Variants in DENND5B observed in about 807,000 individuals in gnomAD.
DENND5B encodes DENN domain containing 5B.
DENND5B carries 34 observed loss-of-function variants against 140.6 expected under a neutral mutation model. That is an observed-to-expected ratio of 0.24 (90% CI 0.18 to 0.32). The LOEUF (loss-of-function observed/expected upper bound fraction) is 0.32, where lower values mean the gene tolerates loss of function less well. Among genes scored for constraint, DENND5B ranks in the 10% least tolerant of loss-of-function variants. DENND5B has a pLI of 1.00. For missense variants in DENND5B, 1,142 were observed against 1,560.2 expected, an observed-to-expected ratio of 0.73 and a Z score of 4.52; for synonymous variants, 551 against 562.1, an observed-to-expected ratio of 0.98 and a Z score of 0.28.
At chr12:31,585,466 T>A (rs1256630220) in intron 1 of DENND5B, among the ~76,000 whole-genome samples, 1 of 152,230 alleles carries the variant, frequency 6.6e-6, no homozygotes, top group Non-Finnish European at 1.5e-5. Flanking sequence ...GTCTTGACTA[T>A]GACATTCAGT....
intron 2 of DENND5B, among the ~76,000 whole-genome samples, chr12:31,494,875 G>C (rs549255753): frequency 6.6e-6 from 1 of 152,242 alleles, no homozygotes; most frequent in East Asian, 1.9e-4. Context: ...TGAGCTGCTT[G>C]CTCGGGCCTG....
At chr12:31,533,726 G>A (rs1231218683) in intron 1 of DENND5B, among the ~76,000 whole-genome samples, 1 of 152,154 alleles carries the variant, frequency 6.6e-6, no homozygotes, top group Non-Finnish European at 1.5e-5. Flanking sequence ...TTCACCATTA[G>A]AATAAAGATC....
intron 3 of DENND5B, among the ~76,000 whole-genome samples, chr12:31,471,158 C>T (rs1328591160): frequency 6.6e-6 from 1 of 152,214 alleles, no homozygotes; most frequent in Non-Finnish European, 1.5e-5. Flanking sequence ...CAACTAGCCT[C>T]AAAGCCACTC....
At chr12:31,425,202 T>C (rs1943179712) in intron 9 of DENND5B, among the ~76,000 whole-genome samples, 1 of 152,164 alleles carries the variant, frequency 6.6e-6, no homozygotes, top group Non-Finnish European at 1.5e-5. Context: ...ATCCCAGTTA[T>C]TTGGGAGGCT....
chr12:31,526,974 C>T (rs1038699148), intron 1 of DENND5B, among the ~76,000 whole-genome samples: 17 of 152,198 alleles, frequency 1.1e-4, no homozygotes, highest in Non-Finnish European at 2.5e-4. Flanking sequence ...CTGCTATGAA[C>T]ATAACATTCT....
chr12:31,554,669 A>G (rs1949208913), intron 1 of DENND5B, among the ~76,000 whole-genome samples: 1 of 152,132 alleles, frequency 6.6e-6, no homozygotes, highest in Non-Finnish European at 1.5e-5. Flanking sequence ...ACTTGGTTCC[A>G]TTCTCCCCGT....
In DENND5B at chr12:31,392,343, G is replaced by A. The variant is rs1428706799; in HGVS notation, c.3390C>T (p.Ala1130=). The change falls in exon 19 of 21, where the codon GCC becomes GCT. Residue 1130 remains alanine, a synonymous_variant. Coordinates refer to ENST00000389082, the MANE Select transcript of DENND5B (RefSeq NM_144973.4). ...LLCGENGLVA[A]LEQVFHHGFK... is the part of the protein sequence containing the mutation. ...ACCCATGGTGGAAAACTTGCTCAAGGGCTGCAACCAGGCCATTTTCTCCAC... is the reference window on the plus strand; with the variant it reads ...ACCCATGGTGGAAAACTTGCTCAAGAGCTGCAACCAGGCCATTTTCTCCAC... 2 of 1,613,566 alleles carry A rather than the reference G, an allele frequency of 1.2e-6. No individual in the cohort carries two copies. Among genetic ancestry groups the A allele is most frequent in the Admixed American group, 3.3e-5 (2 of 59,958 alleles).
chr12:31,533,980 G>C (rs1384252462), intron 1 of DENND5B, among the ~76,000 whole-genome samples: 2 of 151,808 alleles, frequency 1.3e-5, no homozygotes, highest in African/African-American at 4.8e-5. Flanking sequence ...TGGTAATGTA[G>C]AGAAGACAGA....
At chr12:31,411,825 A>C (rs1942477154) in intron 13 of DENND5B, among the ~76,000 whole-genome samples, 1 of 152,164 alleles carries the variant, frequency 6.6e-6, no homozygotes, top group East Asian at 1.9e-4. Flanking sequence ...AAACTACAAA[A>C]AGCACTGGAA....
Position 31,398,249 on chromosome 12 carries a change from C to T in DENND5B, c.3182G>A (p.Arg1061Gln), listed in dbSNP as rs779727658. The T allele has an allele frequency of 1.3e-5, 21 of 1,598,094 alleles. No homozygotes were observed. The highest frequency in any genetic ancestry group is 5.2e-5 in the Admixed American group (3 of 57,680). Residue 1061 changes from arginine to glutamine, a missense_variant, in exon 17 of 21, where the codon CGG becomes CAG. Physicochemically the swap from Arg to Gln is conservative, Grantham distance 43. Transcript: ENST00000389082. ...GGGTGACTTCTGCTGGGGTGGAGTC[C>T]GACACTGCTTTACTAGATCTTCATC... ...ASDEDLVKQC[R>Q]TPPQQKSPTT... is the part of the protein sequence containing the mutation.
chr12:31,581,232 A>T (rs1028978014), intron 1 of DENND5B, among the ~76,000 whole-genome samples: 12 of 152,200 alleles, frequency 7.9e-5, no homozygotes, highest in African/African-American at 2.9e-4. Flanking sequence ...AATTATTCTA[A>T]GATCTCAATG....
intron 1 of DENND5B, among the ~76,000 whole-genome samples, chr12:31,553,363 T>C (rs1949146144): frequency 6.6e-6 from 1 of 152,182 alleles, no homozygotes; most frequent in African/African-American, 2.4e-5. Flanking sequence ...TTCCATGTAG[T>C]TGAGTGTTTT....
At chr12:31,419,472 A>G (rs1026191934) in intron 11 of DENND5B, among the ~76,000 whole-genome samples, 1 of 152,094 alleles carries the variant, frequency 6.6e-6, no homozygotes, top group Admixed American at 6.6e-5. Flanking sequence ...AATGAACACA[A>G]GTTAAACATT....
chr12:31,530,356 G>C (rs1948239286), intron 1 of DENND5B, among the ~76,000 whole-genome samples: 1 of 152,208 alleles, frequency 6.6e-6, no homozygotes, highest in East Asian at 1.9e-4. Flanking sequence ...CTGGGTGACA[G>C]AGCAAGACTC....
intron 9 of DENND5B, among the ~76,000 whole-genome samples, 183 bp downstream of exon 9, chr12:31,426,110 T>C (rs1943219951): frequency 6.6e-6 from 1 of 152,222 alleles, no homozygotes; most frequent in African/African-American, 2.4e-5. Flanking sequence ...ATTGATTCTG[T>C]GGGGAATGAA....
intron 1 of DENND5B, among the ~76,000 whole-genome samples, chr12:31,558,658 G>T (rs1949376856): frequency 1.3e-5 from 2 of 152,194 alleles, no homozygotes; most frequent in South Asian, 4.1e-4. Context: ...TCATACTGAT[G>T]GATAACACTT....
At chr12:31,458,470 A>G (rs1274082448) in intron 4 of DENND5B, among the ~76,000 whole-genome samples, 4 of 152,228 alleles carry the variant, frequency 2.6e-5, no homozygotes, top group Non-Finnish European at 5.9e-5. Flanking sequence ...GACTAATTTA[A>G]TGAAAGCAAA....
At chr12:31,486,216 T>C (rs1408217043) in intron 2 of DENND5B, among the ~76,000 whole-genome samples, 2 of 152,202 alleles carry the variant, frequency 1.3e-5, no homozygotes, top group African/African-American at 4.8e-5. Context: ...TTCGTCCTTC[T>C]TATAAAAGGT....
At chr12:31,398,694 G>A (rs1941619434) in intron 16 of DENND5B, among the ~76,000 whole-genome samples, 1 of 152,088 alleles carries the variant, frequency 6.6e-6, no homozygotes, top group Admixed American at 6.6e-5. Flanking sequence ...TGTGACTAGT[G>A]GAATCCAAGA....
Sources: gnomAD v4.1 joint callset for allele counts (sites outside exome capture counted in the v4.1 genomes callset) on GRCh38, gnomAD v4.1.1 for gene constraint, MANE v1.5 for transcripts, NCBI Gene and HGNC (gene_info 2026-07-23, HGNC 2026-07-21) for gene names.